The following LRBA variants were observed in gnomAD, a reference collection of about 807,000 sequenced individuals.
The protein encoded by LRBA is LPS responsive beige-like anchor protein.
LRBA carries 176 observed loss-of-function variants against 330.0 expected under a neutral mutation model. The observed-to-expected ratio is 0.53, with a 90% CI of 0.47 to 0.60. The LOEUF (loss-of-function observed/expected upper bound fraction) is 0.60. LRBA is among the 20% of genes least tolerant of loss of function. LRBA has a pLI of 0.00. For synonymous variants in LRBA, 1,230 were observed against 1,193.0 expected, an observed-to-expected ratio of 1.03 and a Z score of -0.64; for missense variants, 3,259 against 3,444.8, an observed-to-expected ratio of 0.95 and a Z score of 1.35.
At chr4:150,469,680 T>A (rs1755851841) in intron 43 of LRBA, among the ~76,000 whole-genome samples, 1 of 152,126 alleles carries the variant, frequency 6.6e-6, no homozygotes, top group African/African-American at 2.4e-5. Context: ...ACTTTCAATG[T>A]GAGCCCCTCA....
At chr4:150,327,550 C>T (rs1051317103) in intron 48 of LRBA, among the ~76,000 whole-genome samples, 1 of 152,182 alleles carries the variant, frequency 6.6e-6, no homozygotes, top group Non-Finnish European at 1.5e-5. Flanking sequence ...GAACTTATTG[C>T]TTCAGCACTT....
At chr4:150,654,581 TG>T (rs1779999557) in intron 37 of LRBA, among the ~76,000 whole-genome samples, 1 of 152,182 alleles carries the variant, frequency 6.6e-6, no homozygotes, top group South Asian at 2.1e-4. Flanking sequence ...TTAGGGTACA[TG>T]GGCACAACGT....
chr4:150,658,064 AG>A lies in LRBA; in HGVS notation c.5921+25486del, dbSNP rs112101707. Among the ~76,000 whole-genome samples, 198 of 152,262 alleles carry A rather than the reference AG, an allele frequency of 1.3e-3. 3 individuals carry two copies. Among genetic ancestry groups the A allele is most frequent in the African/African-American group, 4.6e-3 (193 of 41,552 alleles). Reference sequence around the variant, plus strand: ...ATTGTAACAATCTATCACATGAAGGAGGATGACACCACGCTAAGGGGTGAGT... The same window carrying A: ...ATTGTAACAATCTATCACATGAAGGAGATGACACCACGCTAAGGGGTGAGT... On this transcript the variant is annotated intron_variant, in intron 37 of 56. Coordinates refer to ENST00000651943, the MANE Select transcript of LRBA (RefSeq NM_001364905.1).
At chr4:150,292,076 T>C (rs1728371459) in intron 53 of LRBA, among the ~76,000 whole-genome samples, 1 of 152,192 alleles carries the variant, frequency 6.6e-6, no homozygotes, top group Non-Finnish European at 1.5e-5. Flanking sequence ...CTTGGCAGAA[T>C]AGCAAACGTT....
chr4:150,773,430 T>C (rs966546197), intron 34 of LRBA, among the ~76,000 whole-genome samples: 4 of 152,352 alleles, frequency 2.6e-5, no homozygotes, highest in South Asian at 2.1e-4. Flanking sequence ...TGCTCAAGCA[T>C]TGAAACCACA....
At chr4:150,548,944 A>G (rs1766212768) in intron 40 of LRBA, among the ~76,000 whole-genome samples, 1 of 152,184 alleles carries the variant, frequency 6.6e-6, no homozygotes, top group Non-Finnish European at 1.5e-5. Context: ...TTACTATATT[A>G]TAAATGTTTA....
intron 17 of LRBA, among the ~76,000 whole-genome samples, chr4:150,874,407 C>A (rs1008329933): frequency 2.0e-5 from 3 of 152,202 alleles, no homozygotes; most frequent in African/African-American, 7.2e-5. Flanking sequence ...GGAAATCTGG[C>A]AGTGTGGCTG....
intron 39 of LRBA, 27 bp from the exon 40 acceptor site, chr4:150,588,211 C>A (rs574993682): frequency 1.1e-4 from 167 of 1,552,636 alleles, no homozygotes; most frequent in Non-Finnish European, 1.1e-5. Flanking sequence ...ACAAGCCACA[C>A]AAGTTGGAAT....
Position 150,459,972 on chromosome 4 carries a change from C to T in LRBA, c.6780+7701G>A, listed in dbSNP as rs547569344. Among the ~76,000 whole-genome samples, 28 of 151,866 alleles carry T rather than the reference C, an allele frequency of 1.8e-4. 1 individual carries two copies. In the South Asian group the frequency reaches 5.8e-3, roughly 32 times the overall value. On this transcript the variant is annotated intron_variant, in intron 44 of 56. Coordinates refer to ENST00000651943, the MANE Select transcript of LRBA (RefSeq NM_001364905.1). ...TTTTGGTAAGCTTGAATTCCTTTAGCTTCACTGAAGCCCAATAAATAGAAA... is the reference window on the plus strand; with the variant it reads ...TTTTGGTAAGCTTGAATTCCTTTAGTTTCACTGAAGCCCAATAAATAGAAA...
chr4:150,464,360 T>C (rs1408305235), intron 44 of LRBA, among the ~76,000 whole-genome samples: 3 of 151,968 alleles, frequency 2.0e-5, no homozygotes, highest in Non-Finnish European at 4.4e-5. Flanking sequence ...ATTCAAACCA[T>C]AGAGAGAGAG....
At chr4:150,488,874 G>A (rs1382895161) in intron 41 of LRBA, among the ~76,000 whole-genome samples, 1 of 132,982 alleles carries the variant, frequency 7.5e-6, no homozygotes, top group Non-Finnish European at 1.6e-5. Context: ...AACATATTTA[G>A]TAATGTCATA....
intron 47 of LRBA, among the ~76,000 whole-genome samples, chr4:150,397,909 C>T (rs79142288): frequency 0.022 from 3,396 of 152,242 alleles, 124 homozygotes; most frequent in African/African-American, 0.076. Context: ...GTTCAACGCA[C>T]GACAGCTCTT....
intron 31 of LRBA, among the ~76,000 whole-genome samples, chr4:150,810,650 G>A (rs1743587153): frequency 2.0e-5 from 3 of 152,086 alleles, no homozygotes; most frequent in African/African-American, 7.2e-5. Context: ...CACCCAGGCT[G>A]GAGTGCAGTG....
chr4:150,615,523 C>T (rs1233325098), intron 37 of LRBA, among the ~76,000 whole-genome samples: 2 of 151,874 alleles, frequency 1.3e-5, no homozygotes, highest in Non-Finnish European at 2.9e-5. Context: ...AATATGCTAA[C>T]AGATCATATA....
At chr4:150,441,714 C>A (rs189630365) in intron 44 of LRBA, among the ~76,000 whole-genome samples, 1 of 151,972 alleles carries the variant, frequency 6.6e-6, no homozygotes, top group African/African-American at 2.4e-5. Context: ...AGTAACCTAG[C>A]TCGAAATCAA....
At chr4:150,527,013 CT>C (rs149377678) in intron 40 of LRBA, among the ~76,000 whole-genome samples, 1,516 of 143,902 alleles carry the variant, frequency 0.011, 22 homozygotes, top group African/African-American at 0.03. Context: ...TTTTCTTCTA[CT>C]TTTTTTTTTT....
chr4:150,317,787 T>C (rs1299286747), intron 50 of LRBA, among the ~76,000 whole-genome samples: 3 of 152,188 alleles, frequency 2.0e-5, no homozygotes, highest in Non-Finnish European at 4.4e-5. Flanking sequence ...ACTGACTGGC[T>C]GTATGAACTT....
chr4:150,499,269 T>C (rs1373036939), intron 40 of LRBA, among the ~76,000 whole-genome samples: 2 of 152,228 alleles, frequency 1.3e-5, no homozygotes, highest in Non-Finnish European at 2.9e-5. Flanking sequence ...AATTTTTTCA[T>C]TTAGATTGAA....
intron 2 of LRBA, among the ~76,000 whole-genome samples, chr4:150,980,718 T>TG (rs1296280679): frequency 2.6e-5 from 4 of 152,182 alleles, no homozygotes; most frequent in Non-Finnish European, 5.9e-5. Context: ...GCATATGATA[T>TG]GATCTTATAT....
Sources: gnomAD v4.1 joint callset for allele counts (sites outside exome capture counted in the v4.1 genomes callset) on GRCh38, gnomAD v4.1.1 for gene constraint, MANE v1.5 for transcripts, NCBI Gene and HGNC (gene_info 2026-07-23, HGNC 2026-07-21) for gene names.